INO80: variants seen among roughly 807,000 people sequenced by gnomAD.
INO80 encodes INO80 complex ATPase subunit, also known as chromatin-remodeling ATPase INO80.
Under a neutral mutation model 203.4 loss-of-function variants are expected in INO80, and 20 were observed. The ratio of observed to expected loss-of-function variants is 0.10; its 90% CI spans 0.07 to 0.14. The LOEUF (loss-of-function observed/expected upper bound fraction) is 0.14. INO80 is among the 10% of genes least tolerant of loss of function. The pLI is 1.00. For missense variants in INO80, 1,419 were observed against 1,914.4 expected (o/e 0.74, Z 4.83); for synonymous variants, 726 against 685.2 (o/e 1.06, Z -0.93).
At chr15:41,087,501 G>C in intron 6 of INO80, 61 bp downstream of exon 6, 1 of 1,573,526 alleles carries the variant, frequency 6.4e-7, no homozygotes, top group Non-Finnish European at 8.7e-7. Flanking sequence ...TGCACCAGTA[G>C]GCCACATGCA....
intron 24 of INO80, among the ~76,000 whole-genome samples, chr15:41,035,609 C>T (rs1424413358): frequency 6.6e-6 from 1 of 151,190 alleles, no homozygotes. Flanking sequence ...ATCACGAGGT[C>T]GGGAGATCAA....
At position 41,024,831 on chromosome 15, in the gene INO80, TTCTC is replaced by T. The variant is rs201073852; in HGVS notation, c.3048+2761_3048+2764del. Among the ~76,000 whole-genome samples the T allele has an allele frequency of 4.6e-5, 7 of 152,316 alleles. No homozygotes were observed. In the East Asian group the frequency reaches 1.3e-3, roughly 29 times the overall value. On this transcript the variant is annotated intron_variant, in intron 25 of 35. Transcript: ENST00000648947. ...AGGGTTGGCTTCAAAGGACATCAGTTTCTCTCTCCCCAATACAGATGGGTTAGAA... is the reference window on the plus strand; with the variant it reads ...AGGGTTGGCTTCAAAGGACATCAGTTTCTCCCCAATACAGATGGGTTAGAA...
intron 14 of INO80, among the ~76,000 whole-genome samples, chr15:41,068,470 A>G (rs1226160364): frequency 6.6e-6 from 1 of 152,184 alleles, no homozygotes; most frequent in African/African-American, 2.4e-5. Flanking sequence ...CTGAGGCAGA[A>G]GAATCACTTC....
chr15:41,048,159 G>C (rs371244143), intron 22 of INO80, 53 bp downstream of exon 22: 1 of 1,356,156 alleles, frequency 7.4e-7, no homozygotes, highest in Non-Finnish European at 1.1e-6. Context: ...AAAACAAAGA[G>C]CATCCTGGTA....
chr15:41,059,855 G>C lies in INO80; in HGVS notation c.1842+12C>G, dbSNP rs948561276. 10 of 1,582,618 alleles carry C rather than the reference G, an allele frequency of 6.3e-6. No individual in the cohort carries two copies. Among genetic ancestry groups the C allele is most frequent in the Non-Finnish European group, 7.8e-6 (9 of 1,153,046 alleles). ...TACGGTACGTATGTATGCAGTTTAA[G>C]TAGAATGTTACCTGACTCCAGAACC... On this transcript the variant is annotated intron_variant, in intron 15 of 35. Coordinates refer to ENST00000648947, the MANE Select transcript of INO80 (RefSeq NM_017553.3).
chr15:40,984,589 T>G (rs1893951458), intron 32 of INO80, among the ~76,000 whole-genome samples: 2 of 148,804 alleles, frequency 1.3e-5, no homozygotes, highest in African/African-American at 2.5e-5. Flanking sequence ...TAGGCTGAGG[T>G]GGGAGGATTA....
At chr15:41,023,459 T>A (rs2044326089) in intron 25 of INO80, 2 of 390,350 alleles carry the variant, frequency 5.1e-6, no homozygotes, top group South Asian at 3.8e-5. Context: ...CTTAGATAAG[T>A]AAAGCATATT....
chr15:41,095,276 G>C (rs928353080), intron 4 of INO80, among the ~76,000 whole-genome samples: 2 of 152,220 alleles, frequency 1.3e-5, no homozygotes, highest in Non-Finnish European at 2.9e-5. Flanking sequence ...AGGAGGCGGA[G>C]GTTGCAGTGA....
intron 27 of INO80, chr15:41,011,786 C>G (rs2044136713): frequency 6.6e-6 from 1 of 152,174 alleles, no homozygotes; most frequent in Non-Finnish European, 1.5e-5. Context: ...AGAATGTCTG[C>G]TCAGGATAAA....
intron 24 of INO80, among the ~76,000 whole-genome samples, chr15:41,036,156 G>GAAA (rs369185302): frequency 0.012 from 371 of 32,052 alleles, 43 homozygotes; most frequent in Middle Eastern, 0.038. Context: ...ACTCTCTCTC[G>GAAA]AAAAAAAAAA....
At chr15:41,099,271 A>AAACC (rs2045772099) in intron 1 of INO80, among the ~76,000 whole-genome samples, 1 of 79,798 alleles carries the variant, frequency 1.3e-5, no homozygotes, top group Non-Finnish European at 3.2e-5. Context: ...AAAAAAACAA[A>AAACC]CACACACACA....
chr15:41,055,288 T>C lies in INO80; in HGVS notation c.2147A>G (p.Asp716Gly). ...HEEFNEWFSK[D>G]IESHAENKSA... Reference sequence around the variant, plus strand: ...TTTGTTTTCGGCATGGCTCTCAATGTCCTTGGAAAACCATTCATTAAATTC... The same window carrying C: ...TTTGTTTTCGGCATGGCTCTCAATGCCCTTGGAAAACCATTCATTAAATTC... Residue 716 changes from aspartate to glycine, a missense_variant, in exon 18 of 36, where the codon GAC (aspartate) becomes GGC (glycine). Asp to Gly is a moderately conservative substitution (Grantham distance 94). Transcript: ENST00000648947. The C allele has an allele frequency of 6.2e-7, 1 of 1,613,356 alleles. No individual in the cohort carries two copies. The highest frequency in any genetic ancestry group is 8.5e-7 in the Non-Finnish European group (1 of 1,179,572).
At chr15:40,981,838 C>A (rs531927794) in intron 35 of INO80, among the ~76,000 whole-genome samples, 2 of 152,320 alleles carry the variant, frequency 1.3e-5, no homozygotes, top group Admixed American at 1.3e-4. Flanking sequence ...GTGTTTACAA[C>A]CTTGACTCCT....
intron 14 of INO80, among the ~76,000 whole-genome samples, chr15:41,067,146 G>A (rs757854143): frequency 3.9e-5 from 6 of 151,968 alleles, no homozygotes; most frequent in South Asian, 2.1e-4. Context: ...GCATGATCTC[G>A]GCTCACTGCA....
chr15:41,007,179 T>C (rs1424767931), intron 27 of INO80, among the ~76,000 whole-genome samples: 3 of 114,090 alleles, frequency 2.6e-5, no homozygotes, highest in African/African-American at 4.2e-5. Context: ...TTTTTTTTTT[T>C]TTCTTTTTTT....
intron 29 of INO80, among the ~76,000 whole-genome samples, chr15:40,995,914 C>G (rs560279941): frequency 1.3e-5 from 2 of 152,222 alleles, no homozygotes; most frequent in Non-Finnish European, 2.9e-5. Context: ...TACAGCTACC[C>G]AGCAATGCCT....
chr15:41,072,324 T>C (rs2045333917), intron 11 of INO80, among the ~76,000 whole-genome samples: 1 of 152,046 alleles, frequency 6.6e-6, no homozygotes, highest in Non-Finnish European at 1.5e-5. Context: ...CAATGTTAAA[T>C]AGGGGCTCCT....
intron 19 of INO80, among the ~76,000 whole-genome samples, chr15:41,050,684 C>T (rs953850684): frequency 2.7e-4 from 41 of 152,136 alleles, no homozygotes; most frequent in African/African-American, 9.7e-4. Flanking sequence ...ATAGTATAGA[C>T]TGATAATATT....
intron 35 of INO80, among the ~76,000 whole-genome samples, chr15:40,982,021 C>T (rs1396658400): frequency 6.6e-6 from 1 of 152,230 alleles, no homozygotes; most frequent in Non-Finnish European, 1.5e-5. Context: ...CCTACAACTG[C>T]TGTGGCTGCC....
Sources: gnomAD v4.1 joint callset for allele counts (sites outside exome capture counted in the v4.1 genomes callset) on GRCh38, gnomAD v4.1.1 for gene constraint, MANE v1.5 for transcripts, NCBI Gene and HGNC (gene_info 2026-07-23, HGNC 2026-07-21) for gene names.